SOX6: variants seen among roughly 807,000 people sequenced by gnomAD.
SOX6 encodes the protein SRY-box transcription factor 6.
Under a neutral mutation model 97.8 loss-of-function variants are expected in SOX6, and 11 were observed. The observed-to-expected ratio is 0.11, with a 90% confidence interval of 0.07 to 0.19. The LOEUF (loss-of-function observed/expected upper bound fraction) is 0.19. Ranked by LOEUF, SOX6 falls within the 10% of genes least tolerant of loss-of-function variation. The probability of loss-of-function intolerance (pLI) is 1.00; values close to 1 mark genes in which losing one functional copy is unlikely to be tolerated. For missense variants in SOX6, 810 were observed against 1,039.5 expected, an observed-to-expected ratio of 0.78 and a Z score of 3.04; for synonymous variants, 360 against 371.4, an observed-to-expected ratio of 0.97 and a Z score of 0.35.
intron 4 of SOX6, among the ~76,000 whole-genome samples, chr11:16,603,960 A>C (rs1565191076): frequency 6.6e-6 from 1 of 152,260 alleles, no homozygotes; most frequent in Non-Finnish European, 1.5e-5. Flanking sequence ...AGGTCGGCCA[A>C]GCCCGTGCCT....
intron 1 of SOX6, among the ~76,000 whole-genome samples, chr11:16,366,168 C>T (rs1452368488): frequency 6.6e-6 from 1 of 152,102 alleles, no homozygotes; most frequent in Non-Finnish European, 1.5e-5. Context: ...GGCATAGGGC[C>T]CAGGCTATTG....
chr11:16,027,627 T>C (rs1471154013), intron 12 of SOX6, among the ~76,000 whole-genome samples: 5 of 152,198 alleles, frequency 3.3e-5, no homozygotes, highest in Non-Finnish European at 1.5e-5. Context: ...ATATAAGTAA[T>C]TTCCTTATCA....
chr11:16,132,444 A>AGAAAGAAAGAAAAAGAAAGAAAGAAAG (rs1554934020), intron 6 of SOX6, among the ~76,000 whole-genome samples: 1 of 27,230 alleles, frequency 3.7e-5, no homozygotes, highest in African/African-American at 1.7e-4. Context: ...AAAGAAAGAA[A>AGAAAGAAAGAAAAAGAAAGAAAGAAAG]AAAGAAAGAA....
intron 3 of SOX6, among the ~76,000 whole-genome samples, chr11:16,247,849 C>T (rs1431997559): frequency 6.6e-6 from 1 of 152,096 alleles, no homozygotes; most frequent in African/African-American, 2.4e-5. Flanking sequence ...CCACAGTCCC[C>T]AAAGTCTTAA....
chr11:16,427,743 A>C (rs1255398723), intron 1 of SOX6, among the ~76,000 whole-genome samples: 1 of 152,078 alleles, frequency 6.6e-6, no homozygotes, highest in African/African-American at 2.4e-5. Context: ...TGGACATTTG[A>C]GTTGGTTCCA....
intron 4 of SOX6, among the ~76,000 whole-genome samples, chr11:16,494,256 G>A (rs1220005362): frequency 6.6e-6 from 1 of 152,166 alleles, no homozygotes; most frequent in Middle Eastern, 3.4e-3. Context: ...CATGCCTGTA[G>A]TCCCAGCTAC....
chr11:16,085,562 A>G (rs1848559399), intron 9 of SOX6, among the ~76,000 whole-genome samples: 1 of 152,204 alleles, frequency 6.6e-6, no homozygotes, highest in South Asian at 2.1e-4. Context: ...TGACTAGAGC[A>G]GAGCTTACAA....
chr11:16,607,946 G>C lies in SOX6; in HGVS notation n.609+4135C>G, dbSNP rs1848354872. Among the ~76,000 whole-genome samples, 1 of 152,118 alleles carries C rather than the reference G, an allele frequency of 6.6e-6. No homozygotes were observed. ...CAAAGGCAAGAGAGAGCCGCAAAGA[G>C]AGAGGAGGGCAGAGACATCGGCGAG... On this transcript the variant is annotated intron_variant and non_coding_transcript_variant, in intron 4 of 5. Coordinates refer to the SOX6 transcript ENST00000524520. This position sits in a 1 kb window ranked among gnomAD's most constrained non-coding sequence, Gnocchi z 6.5.
intron 3 of SOX6, among the ~76,000 whole-genome samples, chr11:16,309,808 C>T (rs1177029443): frequency 6.6e-6 from 1 of 152,048 alleles, no homozygotes; most frequent in Non-Finnish European, 1.5e-5. Context: ...TTTCCTGAGA[C>T]TCCCAGAATA....
intron 4 of SOX6, among the ~76,000 whole-genome samples, chr11:16,511,623 C>A (rs1455456153): frequency 1.3e-5 from 2 of 152,216 alleles, no homozygotes; most frequent in East Asian, 1.9e-4. Context: ...CCACTGAATT[C>A]TTATTCCCTA....
intron 1 of SOX6, among the ~76,000 whole-genome samples, chr11:16,426,595 G>A (rs1343649692): frequency 2.0e-5 from 3 of 152,072 alleles, no homozygotes; most frequent in African/African-American, 7.2e-5. Context: ...GGCATAACTG[G>A]CTAGCCATAC....
At chr11:16,396,316 A>C (rs998822121) in intron 1 of SOX6, among the ~76,000 whole-genome samples, 3 of 151,700 alleles carry the variant, frequency 2.0e-5, no homozygotes, top group Non-Finnish European at 3.0e-5. Context: ...AGGCCAGAAC[A>C]TTAGAACTAA....
intron 4 of SOX6, among the ~76,000 whole-genome samples, chr11:16,192,490 T>C (rs748381594): frequency 9.9e-5 from 15 of 152,150 alleles, no homozygotes; most frequent in Non-Finnish European, 2.1e-4. Flanking sequence ...ATAAATATGA[T>C]GACAATTTCC....
chr11:16,724,976 A>G (rs1322198401), intron 2 of SOX6, among the ~76,000 whole-genome samples: 1 of 152,228 alleles, frequency 6.6e-6, no homozygotes, highest in African/African-American at 2.4e-5. Flanking sequence ...AGTTAAATAT[A>G]GTGTAACCAT....
intron 4 of SOX6, among the ~76,000 whole-genome samples, chr11:16,493,190 G>A (rs1860538032): frequency 1.3e-5 from 2 of 152,222 alleles, no homozygotes; most frequent in African/African-American, 2.4e-5. Context: ...AACTGGAAAT[G>A]TCTGTCAACA....
chr11:16,606,653 A>C (rs537910660), intron 4 of SOX6, among the ~76,000 whole-genome samples: 2 of 152,216 alleles, frequency 1.3e-5, no homozygotes, highest in South Asian at 4.2e-4. Context: ...GAGGTGGAGG[A>C]GTGAGGTGGG....
intron 4 of SOX6, among the ~76,000 whole-genome samples, chr11:16,209,196 C>T (rs1022347157): frequency 6.6e-6 from 1 of 152,064 alleles, no homozygotes; most frequent in African/African-American, 2.4e-5. Flanking sequence ...TTATTTTAAA[C>T]AAATTAGTAT....
Position 16,276,593 on chromosome 11 carries a change from G to A in SOX6, c.445+41853C>T, listed in dbSNP as rs745474652. On this transcript the variant is annotated intron_variant, in intron 3 of 15. Coordinates refer to ENST00000683767, the MANE Select transcript of SOX6 (RefSeq NM_001367873.1). ...AATTCTTCGTCATGCACCATCCACT[G>A]CTCCCTCTTACAGAATGTGGGCCTG... Among the ~76,000 whole-genome samples the A allele has an allele frequency of 5.1e-4, 77 of 152,090 alleles. 1 individual carries two copies. Among genetic ancestry groups the A allele is most frequent in the African/African-American group, 1.6e-3 (68 of 41,414 alleles).
In SOX6 at chr11:16,492,121, C is replaced by T. The variant is rs149972641; in HGVS notation, n.610-15733G>A. 1.2e-3 allele frequency among the ~76,000 whole-genome samples: 190 copies of T among 152,152 alleles called. 2 individuals are homozygous for T. Among genetic ancestry groups the T allele is most frequent in the East Asian group, 0.012 (64 of 5,186 alleles). ...AAAATATTGAAAGCATTACCCAAAACGGGAAAAGTAGATAAATTTTATTTG... is the reference window on the plus strand; with the variant it reads ...AAAATATTGAAAGCATTACCCAAAATGGGAAAAGTAGATAAATTTTATTTG... On this transcript the variant is annotated intron_variant and non_coding_transcript_variant, in intron 4 of 5. Coordinates refer to the SOX6 transcript ENST00000524520.
Sources: allele counts gnomAD v4.1 joint callset (sites outside exome capture counted in the v4.1 genomes callset), GRCh38; gene constraint gnomAD v4.1.1; non-coding constraint Gnocchi (gnomAD v3.1); transcripts MANE v1.5; gene names NCBI Gene and HGNC (gene_info 2026-07-23, HGNC 2026-07-21).